The following GALNT13 variants were observed in gnomAD, a reference collection of about 807,000 sequenced individuals.
GALNT13 encodes polypeptide N-acetylgalactosaminyltransferase 13.
GALNT13 carries 28 observed loss-of-function variants against 64.2 expected under a neutral mutation model. That is an observed-to-expected ratio of 0.44 (90% CI 0.32 to 0.60). The LOEUF is 0.60. Ranked by LOEUF, GALNT13 falls within the 20% of genes least tolerant of loss-of-function variation. The pLI is 0.05. For synonymous variants in GALNT13, 214 were observed against 224.6 expected (o/e 0.95, Z 0.42); for missense variants, 577 against 669.8 (o/e 0.86, Z 1.53).
At chr2:153,523,039 T>C in the GALNT13 span, among the ~76,000 whole-genome samples, 5 of 134,362 alleles carry the variant, frequency 3.7e-5, no homozygotes, top group Non-Finnish European at 7.6e-5. Context: ...GGTCTGTGTT[T>C]ACTATTTTTT....
the GALNT13 span, among the ~76,000 whole-genome samples, chr2:153,415,001 G>A: frequency 7.7e-6 from 1 of 129,314 alleles, no homozygotes; most frequent in East Asian, 2.5e-4. Flanking sequence ...GCTCTCCCAG[G>A]TAGTAGGAAT....
the GALNT13 span, among the ~76,000 whole-genome samples, chr2:153,616,050 T>C: frequency 6.6e-6 from 1 of 152,100 alleles, no homozygotes; most frequent in East Asian, 1.9e-4. Context: ...TTTCTTGTAG[T>C]ATCTTCATAG....
chr2:153,846,037 A>G, the GALNT13 span, among the ~76,000 whole-genome samples: 1 of 152,306 alleles, frequency 6.6e-6, no homozygotes, highest in East Asian at 1.9e-4. Flanking sequence ...TCTTTTCCAG[A>G]CTAACAACAA....
chr2:153,277,903 T>TTTTTC, the GALNT13 span, among the ~76,000 whole-genome samples: 3 of 136,562 alleles, frequency 2.2e-5, no homozygotes, highest in Non-Finnish European at 3.1e-5. Context: ...TTGAGTTTCT[T>TTTTTC]TTTTCTTTTG....
intron 10 of GALNT13, among the ~76,000 whole-genome samples, chr2:154,401,774 A>G (rs2105374773): frequency 6.6e-6 from 1 of 152,196 alleles, no homozygotes; most frequent in South Asian, 2.1e-4. Flanking sequence ...TAAATTGTTT[A>G]TTTTGCTATG....
chr2:153,617,298 T>C, the GALNT13 span, among the ~76,000 whole-genome samples: 4 of 152,076 alleles, frequency 2.6e-5, no homozygotes, highest in Non-Finnish European at 4.4e-5. Context: ...TATCAACTGC[T>C]TTTCAGCATC....
intron 4 of GALNT13, among the ~76,000 whole-genome samples, chr2:154,225,725 C>G (rs775453301): frequency 6.6e-6 from 1 of 151,912 alleles, no homozygotes; most frequent in Non-Finnish European, 1.5e-5. Context: ...GATAAAAGCC[C>G]AAAGATACAG....
intron 8 of GALNT13, among the ~76,000 whole-genome samples, chr2:154,298,596 AC>A (rs1421122177): frequency 0.19 from 650 of 3,398 alleles, 198 homozygotes; most frequent in East Asian, 0.38. Flanking sequence ...ATTTATATAT[AC>A]AATGTATATA....
the GALNT13 span, among the ~76,000 whole-genome samples, chr2:153,376,922 T>C: frequency 3.9e-5 from 6 of 152,202 alleles, no homozygotes; most frequent in Non-Finnish European, 8.8e-5. Flanking sequence ...AAGTACTTGA[T>C]ACATTTTGTA....
chr2:154,092,745 G>C (rs1701879729), intron 3 of GALNT13, among the ~76,000 whole-genome samples: 1 of 152,034 alleles, frequency 6.6e-6, no homozygotes, highest in African/African-American at 2.4e-5. Context: ...AGTGGTAACT[G>C]ATGTGAGATC....
intron 4 of GALNT13, among the ~76,000 whole-genome samples, chr2:154,185,569 G>A (rs1686205086): frequency 6.6e-6 from 1 of 151,564 alleles, no homozygotes; most frequent in Admixed American, 6.6e-5. Flanking sequence ...TCTTTGACTG[G>A]ATAATTTTAA....
intron 4 of GALNT13, among the ~76,000 whole-genome samples, chr2:154,141,030 A>G (rs959995507): frequency 1.3e-5 from 2 of 152,308 alleles, no homozygotes; most frequent in Admixed American, 1.3e-4. Context: ...CACTAGAGAT[A>G]AATGTAACAT....
chr2:153,439,899 T>C, the GALNT13 span, among the ~76,000 whole-genome samples: 2 of 152,222 alleles, frequency 1.3e-5, no homozygotes, highest in African/African-American at 4.8e-5. Context: ...ATCACCCGTT[T>C]TCTGTGTCGC....
chr2:154,076,671 A>C (rs1701005023), intron 3 of GALNT13, among the ~76,000 whole-genome samples: 1 of 151,654 alleles, frequency 6.6e-6, no homozygotes, highest in African/African-American at 2.4e-5. Context: ...GATAAATGCT[A>C]AACTGGGTGG....
intron 9 of GALNT13, among the ~76,000 whole-genome samples, chr2:154,344,128 T>G (rs950944184): frequency 2.0e-5 from 3 of 152,072 alleles, no homozygotes; most frequent in Non-Finnish European, 4.4e-5. Context: ...GATTCCTTAG[T>G]AGATAGTGTC....
the GALNT13 span, among the ~76,000 whole-genome samples, chr2:153,381,750 A>G: frequency 6.6e-6 from 1 of 152,126 alleles, no homozygotes; most frequent in Non-Finnish European, 1.5e-5. Context: ...ATGTCTAAGA[A>G]TATCTGAATT....
chr2:153,885,005 C>G (rs1156757484), intron 1 of GALNT13, among the ~76,000 whole-genome samples: 1 of 149,804 alleles, frequency 6.7e-6, no homozygotes, highest in African/African-American at 2.5e-5. Context: ...CACCATTGCA[C>G]TCCAGCCTGG....
At chr2:153,917,382 C>G (rs533155842) in intron 2 of GALNT13, among the ~76,000 whole-genome samples, 381 of 152,108 alleles carry the variant, frequency 2.5e-3, no homozygotes, top group South Asian at 4.8e-3. Flanking sequence ...TTTCTAACCC[C>G]CAATAACTTC....
At chr2:153,585,092 A>G in the GALNT13 span, among the ~76,000 whole-genome samples, 1 of 152,220 alleles carries the variant, frequency 6.6e-6, no homozygotes, top group Non-Finnish European at 1.5e-5. Context: ...TATTTGAAAT[A>G]CCAGTTAAAG....
Sources: gnomAD v4.1 joint callset for allele counts (sites outside exome capture counted in the v4.1 genomes callset) on GRCh38, gnomAD v4.1.1 for gene constraint, MANE v1.5 for transcripts, NCBI Gene and HGNC (gene_info 2026-07-23, HGNC 2026-07-21) for gene names.